The following RNF216 variants were observed in gnomAD, a reference collection of about 807,000 sequenced individuals.
RNF216 encodes the protein ring finger protein 216.
Under a neutral mutation model 110.8 loss-of-function variants are expected in RNF216, and 72 were observed. The ratio of observed to expected loss-of-function variants is 0.65; its 90% CI spans 0.54 to 0.79. The LOEUF is 0.79. RNF216 is among the 30% of genes least tolerant of loss of function. The pLI is 0.00. For synonymous variants in RNF216, 495 were observed against 407.5 expected, an observed-to-expected ratio of 1.21 and a Z score of -2.59; for missense variants, 1,342 against 1,141.2, an observed-to-expected ratio of 1.18 and a Z score of -2.54.
intron 13 of RNF216, among the ~76,000 whole-genome samples, chr7:5,699,030 T>C (rs1791806535): frequency 6.6e-6 from 1 of 152,172 alleles, no homozygotes; most frequent in South Asian, 2.1e-4. Context: ...CTAGAGTTTT[T>C]GACTTGTTTT....
intron 13 of RNF216, among the ~76,000 whole-genome samples, chr7:5,671,601 G>A (rs180902764): frequency 1.1e-4 from 17 of 152,162 alleles, no homozygotes; most frequent in East Asian, 1.9e-4. Context: ...TCAGCAGTTC[G>A]AGACCAGCCT....
chr7:5,644,526 G>C (rs1787934283), intron 14 of RNF216, among the ~76,000 whole-genome samples: 1 of 149,538 alleles, frequency 6.7e-6, no homozygotes, highest in Non-Finnish European at 1.5e-5. Context: ...TTTTTTTTGA[G>C]ACAGAGTCTC....
At chr7:5,642,514 C>G (rs529174777) in intron 14 of RNF216, among the ~76,000 whole-genome samples, 5 of 149,792 alleles carry the variant, frequency 3.3e-5, no homozygotes, top group Non-Finnish European at 7.4e-5. Context: ...TGTGCCTGGC[C>G]TATTTTTTTT....
rs139706028 is a variant in RNF216 at position 5,692,606 on chromosome 7, G to A, written c.2061+19155C>T. 3.6e-3 allele frequency among the ~76,000 whole-genome samples: 554 copies of A among 152,324 alleles called. 1 individual carries two copies. The highest frequency in any genetic ancestry group is 0.012 in the African/African-American group (501 of 41,582). On this transcript the variant is annotated intron_variant, in intron 13 of 16. Transcript: ENST00000389902. ...GGCGAGCGAGGAGAAAGGCAGAGCTGCTCAGTTCCAGCTCCTTCCACACAC... is the reference window on the plus strand; with the variant it reads ...GGCGAGCGAGGAGAAAGGCAGAGCTACTCAGTTCCAGCTCCTTCCACACAC...
chr7:5,746,285 G>A (rs1458314391), intron 3 of RNF216, among the ~76,000 whole-genome samples: 1 of 152,158 alleles, frequency 6.6e-6, no homozygotes, highest in Non-Finnish European at 1.5e-5. Context: ...CTATGGCAGG[G>A]CACAGGACTT....
chr7:5,737,208 A>C (rs1409010028), intron 5 of RNF216, among the ~76,000 whole-genome samples: 1 of 152,142 alleles, frequency 6.6e-6, no homozygotes, highest in Non-Finnish European at 1.5e-5. Context: ...GATGCTGTTG[A>C]TCTATTACCT....
chr7:5,726,723 G>A (rs1300522626), intron 7 of RNF216, among the ~76,000 whole-genome samples: 1 of 152,078 alleles, frequency 6.6e-6, no homozygotes, highest in Non-Finnish European at 1.5e-5. Context: ...GCTGGACGTG[G>A]TAGCAAGCGC....
At chr7:5,731,441 G>C (rs1372973427) in intron 5 of RNF216, among the ~76,000 whole-genome samples, 1 of 145,494 alleles carries the variant, frequency 6.9e-6, no homozygotes, top group East Asian at 1.9e-4. Flanking sequence ...AAACCCACTA[G>C]CTTTGTCTAT....
chr7:5,763,995 C>T (rs1161775754), intron 1 of RNF216, among the ~76,000 whole-genome samples: 3 of 152,080 alleles, frequency 2.0e-5, no homozygotes, highest in Non-Finnish European at 4.4e-5. Context: ...TTGAGACCAG[C>T]CTGGCCAACA....
chr7:5,635,693 C>A (rs945672840), intron 15 of RNF216, among the ~76,000 whole-genome samples: 2 of 152,186 alleles, frequency 1.3e-5, no homozygotes, highest in African/African-American at 4.8e-5. Context: ...GACAAATGAC[C>A]CGGGTGGAAA....
chr7:5,766,132 A>C (rs1036722837), intron 1 of RNF216, among the ~76,000 whole-genome samples: 3 of 151,850 alleles, frequency 2.0e-5, no homozygotes, highest in African/African-American at 7.3e-5. Flanking sequence ...AAAAATAAAA[A>C]TTAAAAAACT....
At chr7:5,631,776 G>A (rs1787086407) in intron 15 of RNF216, among the ~76,000 whole-genome samples, 1 of 152,164 alleles carries the variant, frequency 6.6e-6, no homozygotes, top group Non-Finnish European at 1.5e-5. Context: ...TTCCTCACCA[G>A]AGATCAATCC....
At chr7:5,652,882 AG>A (rs1788486372) in intron 13 of RNF216, among the ~76,000 whole-genome samples, 2 of 152,200 alleles carry the variant, frequency 1.3e-5, no homozygotes, top group African/African-American at 4.8e-5. Context: ...CTAGATCAAA[AG>A]GAAGTGTTGC....
chr7:5,725,217 G>A, intron 8 of RNF216, 107 bp downstream of exon 8: 1 of 686,730 alleles, frequency 1.5e-6, no homozygotes, highest in South Asian at 1.8e-5. Context: ...GGACTGGCCT[G>A]TCCAGATGCT....
intron 13 of RNF216, among the ~76,000 whole-genome samples, chr7:5,706,308 C>A (rs1242151505): frequency 2.0e-5 from 3 of 151,908 alleles, no homozygotes; most frequent in African/African-American, 7.3e-5. Context: ...GGTCTGTTAG[C>A]AAAATGTTGT....
chr7:5,740,911 A>G, intron 4 of RNF216, 62 bp downstream of exon 4: 1 of 1,485,924 alleles, frequency 6.7e-7, no homozygotes, highest in Non-Finnish European at 8.9e-7. Context: ...GCAATGAAAA[A>G]AAAAAAAGAA....
At chr7:5,736,132 C>A (rs1794383250) in intron 5 of RNF216, among the ~76,000 whole-genome samples, 1 of 151,960 alleles carries the variant, frequency 6.6e-6, no homozygotes, top group Admixed American at 6.6e-5. Context: ...TGTCCCTGTC[C>A]CTGTCCCTCT....
chr7:5,699,635 G>C (rs1791840498), intron 13 of RNF216, among the ~76,000 whole-genome samples: 1 of 152,210 alleles, frequency 6.6e-6, no homozygotes, highest in Non-Finnish European at 1.5e-5. Context: ...ATCTTCCCAG[G>C]GGAATTGTAC....
intron 13 of RNF216, among the ~76,000 whole-genome samples, chr7:5,669,173 G>A (rs555588544): frequency 6.6e-6 from 1 of 152,202 alleles, no homozygotes; most frequent in African/African-American, 2.4e-5. Context: ...AGAGGAATAT[G>A]GGCGGTCGGG....
Sources: gnomAD v4.1 joint callset for allele counts (sites outside exome capture counted in the v4.1 genomes callset) on GRCh38, gnomAD v4.1.1 for gene constraint, MANE v1.5 for transcripts, NCBI Gene and HGNC (gene_info 2026-07-23, HGNC 2026-07-21) for gene names.